Variants in AUTS2 observed in about 807,000 individuals in gnomAD.
AUTS2 encodes activator of transcription and developmental regulator AUTS2, also known as autism susceptibility gene 2 protein.
AUTS2 carries 17 observed loss-of-function variants against 112.4 expected under a neutral mutation model. The ratio of observed to expected loss-of-function variants is 0.15; its 90% CI spans 0.10 to 0.23. The LOEUF (loss-of-function observed/expected upper bound fraction) is 0.23, where lower values mean the gene tolerates loss of function less well. Ranked by LOEUF, AUTS2 falls within the 10% of genes least tolerant of loss-of-function variation. AUTS2 has a pLI of 1.00. For missense variants in AUTS2, 1,510 were observed against 1,701.6 expected, an observed-to-expected ratio of 0.89 and a Z score of 1.98; for synonymous variants, 751 against 702.7, an observed-to-expected ratio of 1.07 and a Z score of -1.09.
chr7:70,556,177 A>C (rs1801242364), intron 5 of AUTS2, among the ~76,000 whole-genome samples: 1 of 151,754 alleles, frequency 6.6e-6, no homozygotes. Context: ...GGAGCAAGGG[A>C]GAGAGAGAGG....
chr7:70,007,469 TGTG>T (rs1258070032), intron 2 of AUTS2, among the ~76,000 whole-genome samples: 3 of 152,186 alleles, frequency 2.0e-5, no homozygotes, highest in African/African-American at 4.8e-5. Flanking sequence ...ACATTAATAT[TGTG>T]GCCATTTTCC....
chr7:70,154,447 T>C (rs1297292515), intron 4 of AUTS2, among the ~76,000 whole-genome samples: 1 of 152,238 alleles, frequency 6.6e-6, no homozygotes, highest in African/African-American at 2.4e-5. Flanking sequence ...TAGATATTTG[T>C]TATTTTCAAG....
intron 5 of AUTS2, among the ~76,000 whole-genome samples, chr7:70,576,215 C>T (rs1259235118): frequency 3.9e-5 from 6 of 152,154 alleles, no homozygotes; most frequent in African/African-American, 1.4e-4. Context: ...TCAGTTTCCC[C>T]TCTTGCCCCA....
intron 1 of AUTS2, among the ~76,000 whole-genome samples, chr7:69,819,201 T>C (rs1790883598): frequency 6.6e-6 from 1 of 152,192 alleles, no homozygotes; most frequent in African/African-American, 2.4e-5. Context: ...GCAGTGTCGA[T>C]GGGTTTTCCT....
intron 1 of AUTS2, among the ~76,000 whole-genome samples, chr7:69,616,007 A>T (rs1433857631): frequency 6.6e-6 from 1 of 152,178 alleles, no homozygotes; most frequent in Admixed American, 6.5e-5. Context: ...GATGATAGAG[A>T]TTTGCAAAAG....
At chr7:70,151,222 T>C (rs1242664213) in intron 4 of AUTS2, among the ~76,000 whole-genome samples, 1 of 152,162 alleles carries the variant, frequency 6.6e-6, no homozygotes, top group Non-Finnish European at 1.5e-5. Context: ...CTTTCCGTTA[T>C]TCATTAGAGA....
At chr7:70,666,557 CTA>C (rs1280497473) in intron 5 of AUTS2, among the ~76,000 whole-genome samples, 1 of 152,316 alleles carries the variant, frequency 6.6e-6, no homozygotes, top group African/African-American at 2.4e-5. Context: ...TGTCATTCCA[CTA>C]TCTCTCTGTC....
intron 2 of AUTS2, among the ~76,000 whole-genome samples, chr7:70,106,675 G>A (rs1402070065): frequency 1.3e-5 from 2 of 152,142 alleles, no homozygotes; most frequent in African/African-American, 2.4e-5. Context: ...GGGTGTGATC[G>A]TACCACTGCA....
intron 4 of AUTS2, among the ~76,000 whole-genome samples, chr7:70,341,559 A>G (rs76018700): frequency 7.8e-4 from 119 of 152,316 alleles, no homozygotes; most frequent in Middle Eastern, 3.4e-3. Flanking sequence ...ATATTTTACT[A>G]CCTGAGAAGT....
At chr7:70,474,778 C>T (rs1797518743) in intron 5 of AUTS2, among the ~76,000 whole-genome samples, 1 of 152,150 alleles carries the variant, frequency 6.6e-6, no homozygotes, top group African/African-American at 2.4e-5. Context: ...AGAACTCATG[C>T]AGGAAAACCC....
intron 5 of AUTS2, among the ~76,000 whole-genome samples, chr7:70,446,699 A>T (rs1163490477): frequency 6.6e-6 from 1 of 152,166 alleles, no homozygotes; most frequent in African/African-American, 2.4e-5. Context: ...AGAGTGCATT[A>T]AAATTTTACT....
chr7:70,497,923 C>T (rs1798621274), intron 5 of AUTS2, among the ~76,000 whole-genome samples: 1 of 152,090 alleles, frequency 6.6e-6, no homozygotes, highest in Admixed American at 6.6e-5. Context: ...ACTCCAGCCG[C>T]AATAGTCCAA....
intron 6 of AUTS2, among the ~76,000 whole-genome samples, chr7:70,759,199 A>G (rs1169429753): frequency 1.3e-5 from 2 of 152,222 alleles, no homozygotes; most frequent in African/African-American, 4.8e-5. Context: ...GCAGCATAGT[A>G]TAGATTGGAG....
rs532125249 is a variant in AUTS2 at position 70,696,987 on chromosome 7, A to G, written c.691-1582A>G. Among the ~76,000 whole-genome samples, 27 of 152,350 alleles carry G rather than the reference A, an allele frequency of 1.8e-4. No individual in the cohort carries two copies. The South Asian group carries it at 4.8e-3, about 27-fold the overall frequency. On this transcript the variant is annotated intron_variant, in intron 5 of 18. Transcript: ENST00000342771. ...AAACACTTTTTCATGAAAGGATGGT[A>G]AAATACACATATCTCGAGTTTTTAG... is the stretch of plus-strand genomic sequence containing the variant.
At chr7:69,923,790 C>G (rs1352546010) in intron 2 of AUTS2, among the ~76,000 whole-genome samples, 2 of 152,288 alleles carry the variant, frequency 1.3e-5, no homozygotes, top group South Asian at 2.1e-4. Flanking sequence ...TTTGTATATT[C>G]ACTTGCATTC....
chr7:70,133,729 G>T (rs1284001969), intron 3 of AUTS2, among the ~76,000 whole-genome samples: 1 of 152,188 alleles, frequency 6.6e-6, no homozygotes, highest in Non-Finnish European at 1.5e-5. Context: ...ATAAAGAGAG[G>T]TTTTAGGAGA....
chr7:69,612,336 C>G (rs917605137), intron 1 of AUTS2, among the ~76,000 whole-genome samples: 4 of 152,010 alleles, frequency 2.6e-5, no homozygotes, highest in African/African-American at 9.7e-5. Flanking sequence ...GTGGGAAGTT[C>G]AAGTGCTATT....
intron 6 of AUTS2, among the ~76,000 whole-genome samples, chr7:70,705,513 A>G (rs35567493): frequency 0.2 from 31,152 of 152,152 alleles, 4,141 homozygotes; most frequent in Middle Eastern, 0.32. Flanking sequence ...CTACTTGCCC[A>G]GTCTGTGCTT....
rs933231998 is a variant in AUTS2, at chr7:69,598,537, T to TC, written c.-1116dup. 6.0e-6 allele frequency: 1 copy of TC among 167,270 alleles called. No individual in the cohort carries two copies. Among genetic ancestry groups the TC allele is most frequent in the Non-Finnish European group, 1.2e-5 (1 of 81,316 alleles). 10.4% of individuals were successfully genotyped at this position (167,270 alleles called of 1,614,324 possible). On this transcript the variant is annotated 5_prime_UTR_variant, in exon 1 of 19. Coordinates refer to ENST00000342771, the MANE Select transcript of AUTS2 (RefSeq NM_015570.4). ...CCGTGCACCCTCCGGCTCGGGGCTTTCTCGGCGGCGGCGGCGGCAGCAGCA... is the reference window on the plus strand; with the variant it reads ...CCGTGCACCCTCCGGCTCGGGGCTTTCCTCGGCGGCGGCGGCGGCAGCAGCA...
Sources: allele counts gnomAD v4.1 joint callset (sites outside exome capture counted in the v4.1 genomes callset), GRCh38; gene constraint gnomAD v4.1.1; transcripts MANE v1.5; gene names NCBI Gene and HGNC (gene_info 2026-07-23, HGNC 2026-07-21).